Variants in TRIP4 observed in about 807,000 individuals in gnomAD.
TRIP4 encodes thyroid hormone receptor interactor 4.
Under a neutral mutation model 81.8 loss-of-function variants are expected in TRIP4, and 54 were observed. The ratio of observed to expected loss-of-function variants is 0.66; its 90% CI spans 0.53 to 0.83. TRIP4 has a LOEUF of 0.83. Ranked by LOEUF, TRIP4 falls within the 40% of genes least tolerant of loss-of-function variation. TRIP4 has a pLI of 0.00. For synonymous variants in TRIP4, 270 were observed against 242.8 expected (o/e 1.11, Z -1.04); for missense variants, 662 against 683.6 (o/e 0.97, Z 0.35).
At chr15:64,403,361 T>C (rs1891555740) in intron 5 of TRIP4, among the ~76,000 whole-genome samples, 1 of 148,158 alleles carries the variant, frequency 6.7e-6, no homozygotes, top group South Asian at 2.1e-4. Context: ...TTCACCATGT[T>C]GGTTGGCCAT....
rs34137664 is a variant in TRIP4 at position 64,412,557 on chromosome 15, TAA to T, written c.1044-1514_1044-1513del. Among the ~76,000 whole-genome samples the T allele has an allele frequency of 6.5e-3, 923 of 142,934 alleles. 1 individual carries two copies. The highest frequency in any genetic ancestry group is 0.013 in the African/African-American group (507 of 39,050). 93.8% of individuals were successfully genotyped at this position (142,934 alleles called of 152,430 possible). On this transcript the variant is annotated intron_variant, in intron 7 of 12. Transcript: ENST00000261884. ...CTGCCACTTGGATTGAAAGCCTCTT[TAA>T]AAAAAAAAAAAAAGCCTCTTGAAGG...
At chr15:64,454,119 T>G (rs1427472990) in intron 12 of TRIP4, among the ~76,000 whole-genome samples, 4 of 152,118 alleles carry the variant, frequency 2.6e-5, no homozygotes, top group Non-Finnish European at 5.9e-5. Flanking sequence ...CTCCTTGTTT[T>G]TTTTTTTTGT....
chr15:64,392,283 A>G (rs2140547155), intron 1 of TRIP4, among the ~76,000 whole-genome samples: 1 of 152,068 alleles, frequency 6.6e-6, no homozygotes, highest in African/African-American at 2.4e-5. Context: ...GGGAGACTAA[A>G]TGAGACTCTG....
At chr15:64,433,868 C>A (rs1308254243) in intron 11 of TRIP4, among the ~76,000 whole-genome samples, 1 of 151,898 alleles carries the variant, frequency 6.6e-6, no homozygotes, top group African/African-American at 2.4e-5. Flanking sequence ...TGAATGAGAC[C>A]AAACACAAAT....
intron 5 of TRIP4, among the ~76,000 whole-genome samples, chr15:64,405,219 G>A (rs1891597719): frequency 6.6e-6 from 1 of 151,090 alleles, no homozygotes; most frequent in African/African-American, 2.4e-5. Context: ...CAGTGGCACG[G>A]TCTCGGCTCA....
chr15:64,432,772 G>T (rs899385991), intron 11 of TRIP4, among the ~76,000 whole-genome samples: 22 of 149,940 alleles, frequency 1.5e-4, no homozygotes, highest in African/African-American at 5.2e-4. Context: ...TTAGCTGGGC[G>T]TCGTGGCATG....
At chr15:64,408,481 G>T (rs954905991) in intron 6 of TRIP4, among the ~76,000 whole-genome samples, 3 of 147,722 alleles carry the variant, frequency 2.0e-5, no homozygotes, top group African/African-American at 7.5e-5. Flanking sequence ...GGATGGTCTC[G>T]ATCTCCTGAC....
At chr15:64,393,151 ATTT>A (rs947519077) in intron 1 of TRIP4, among the ~76,000 whole-genome samples, 3 of 130,688 alleles carry the variant, frequency 2.3e-5, no homozygotes, top group African/African-American at 2.9e-5. Context: ...TTGTATGTTA[ATTT>A]TTTTTTTTTT....
intron 12 of TRIP4, among the ~76,000 whole-genome samples, chr15:64,446,146 C>T (rs1265385973): frequency 6.6e-6 from 1 of 151,720 alleles, no homozygotes; most frequent in African/African-American, 2.4e-5. Flanking sequence ...TGGTGGTGGG[C>T]ACCTGTAATC....
intron 11 of TRIP4, among the ~76,000 whole-genome samples, chr15:64,435,314 G>T (rs1892366243): frequency 1.3e-5 from 2 of 150,768 alleles, no homozygotes; most frequent in African/African-American, 4.9e-5. Flanking sequence ...GAGGTCAGGA[G>T]TTCAAGACCA....
At chr15:64,419,428 G>A (rs1002416602) in intron 9 of TRIP4, among the ~76,000 whole-genome samples, 8 of 151,564 alleles carry the variant, frequency 5.3e-5, no homozygotes, top group African/African-American at 1.5e-4. Flanking sequence ...GCGTGGTCTC[G>A]GCTCACTGCA....
At chr15:64,451,062 G>A (rs935714314) in intron 12 of TRIP4, 3 of 176,628 alleles carry the variant, frequency 1.7e-5, no homozygotes, top group African/African-American at 4.7e-5. Context: ...AAGCCTCAGC[G>A]TAAATAATAT....
At chr15:64,417,875 T>C (rs1444527974) in intron 8 of TRIP4, among the ~76,000 whole-genome samples, 2 of 152,218 alleles carry the variant, frequency 1.3e-5, no homozygotes, top group African/African-American at 4.8e-5. Flanking sequence ...CAGAATTCTA[T>C]TGAAAAATTA....
intron 12 of TRIP4, among the ~76,000 whole-genome samples, chr15:64,448,186 G>A (rs546276809): frequency 2.4e-4 from 36 of 152,152 alleles, no homozygotes; most frequent in African/African-American, 7.2e-4. Flanking sequence ...TTCCCTTTTC[G>A]TAGCTTCTTC....
At chr15:64,393,380 A>G (rs1297461926) in intron 1 of TRIP4, 1 of 150,642 alleles carries the variant, frequency 6.6e-6, no homozygotes, top group Non-Finnish European at 1.5e-5. Flanking sequence ...GATGGTCTCG[A>G]TCTCCTGACC....
intron 9 of TRIP4, among the ~76,000 whole-genome samples, chr15:64,421,687 C>A (rs1489575426): frequency 2.0e-5 from 3 of 152,128 alleles, no homozygotes; most frequent in Non-Finnish European, 4.4e-5. Context: ...AAATAGTTAA[C>A]CACTGTGCTC....
chr15:64,450,891 T>C (rs937318247), intron 12 of TRIP4: 2 of 287,404 alleles, frequency 7.0e-6, no homozygotes, highest in Non-Finnish European at 1.5e-5. Flanking sequence ...AAACGTAAAA[T>C]AGGAATGTTC....
In TRIP4 at chr15:64,454,980, A is replaced by G. The variant is rs756637795; in HGVS notation, c.1679-17A>G. ...AATACAAAAATAAATAATGAGACTT[A>G]TTTTTCTCCCTTACAGGGAAATTGG... On this transcript the variant is annotated splice_polypyrimidine_tract_variant and intron_variant, in intron 12 of 12. Transcript: ENST00000261884. 5 of 1,612,514 alleles carry G rather than the reference A, an allele frequency of 3.1e-6. No individual in the cohort carries two copies. Among genetic ancestry groups the G allele is most frequent in the Non-Finnish European group, 4.2e-6 (5 of 1,178,856 alleles).
In TRIP4 at chr15:64,409,678, T is replaced by C. The variant is rs1481168996; in HGVS notation, c.893T>C (p.Leu298Ser). Reference protein sequence around the residue: ...DYFASDSNQWLSKLERETLQK... With the variant: ...DYFASDSNQWSSKLERETLQK... ...TTTGCCAGTGATTCTAACCAATGGT[T>C]GTCCAAACTTGAGCGGGAAACCTTG... The change falls in exon 7 of 13, where the codon TTG becomes TCG. Residue 298 changes from leucine (L) to serine (S), a missense_variant. Transcript: ENST00000261884. 12 of 1,614,230 alleles carry C rather than the reference T, an allele frequency of 7.4e-6. No homozygotes were observed. In the South Asian group the frequency reaches 1.2e-4, roughly 16 times the overall value.
Sources: allele counts gnomAD v4.1 joint callset (sites outside exome capture counted in the v4.1 genomes callset), GRCh38; gene constraint gnomAD v4.1.1; transcripts MANE v1.5; gene names NCBI Gene and HGNC (gene_info 2026-07-23, HGNC 2026-07-21).